The following FRMPD4 variants were observed in gnomAD, a reference collection of about 807,000 sequenced individuals.
The protein encoded by FRMPD4 is FERM and PDZ domain containing 4.
FRMPD4 carries 22 observed loss-of-function variants against 94.1 expected under a neutral mutation model. The observed-to-expected ratio is 0.23, with a 90% CI of 0.17 to 0.33. The LOEUF (loss-of-function observed/expected upper bound fraction) is 0.33. Ranked by LOEUF, FRMPD4 falls within the 10% of genes least tolerant of loss-of-function variation. FRMPD4 has a pLI of 1.00. For missense variants in FRMPD4, 1,111 were observed against 1,339.9 expected (o/e 0.83, Z 2.67); for synonymous variants, 631 against 548.6 (o/e 1.15, Z -2.10).
At chrX:12,154,883 G>T (rs1213389462) in intron 1 of FRMPD4, among the ~76,000 whole-genome samples, 2 of 112,548 alleles carry the variant, frequency 1.8e-5, no homozygotes, top group Non-Finnish European at 3.8e-5. Flanking sequence ...GTGTAATGTG[G>T]TTGCCACAGC....
At chrX:11,896,229 A>G (rs889319383) in intron 3 of FRMPD4, among the ~76,000 whole-genome samples, 1 of 112,231 alleles carries the variant, frequency 8.9e-6, no homozygotes, top group Non-Finnish European at 1.9e-5. Context: ...ACTCAACCAC[A>G]TGACTCGTTT....
chrX:11,955,659 G>A (rs6639110), intron 3 of FRMPD4, among the ~76,000 whole-genome samples: 4,300 of 106,419 alleles, frequency 0.04, 179 homozygotes, highest in East Asian at 0.24. Context: ...GGAGAATGGC[G>A]TGAACCCAGG....
chrX:11,826,269 T>A (rs1200713373), intron 1 of FRMPD4, among the ~76,000 whole-genome samples: 1 of 112,099 alleles, frequency 8.9e-6, no homozygotes, highest in Non-Finnish European at 1.9e-5. Context: ...GCTTGCCTAC[T>A]TTTTAAGGTG....
chrX:12,023,035 T>C lies in FRMPD4; in HGVS notation c.95+145017T>C, dbSNP rs763423764. On this transcript the variant is annotated intron_variant, in intron 3 of 18. Coordinates refer to the FRMPD4 transcript ENST00000640291. ...ATTGAATTCCTAACTCTCAAGGTTA[T>C]GGAATTAAGAATTGTGTCCTTTGTC... Among the ~76,000 whole-genome samples the C allele has an allele frequency of 8.1e-5, 9 of 111,767 alleles. No homozygotes were observed. In the East Asian group the frequency reaches 2.3e-3, roughly 28 times the overall value.
chrX:12,680,642 C>G (rs1181303920), intron 5 of FRMPD4, among the ~76,000 whole-genome samples: 1 of 112,037 alleles, frequency 8.9e-6, no homozygotes, highest in Non-Finnish European at 1.9e-5. Flanking sequence ...GAAGTTTACC[C>G]CGAGTCTGTT....
At chrX:12,472,201 C>A (rs1230072612) in intron 1 of FRMPD4, among the ~76,000 whole-genome samples, 1 of 112,277 alleles carries the variant, frequency 8.9e-6, no homozygotes, top group Non-Finnish European at 1.9e-5. Context: ...ATGATGAATC[C>A]TGGGGGTCAG....
intron 1 of FRMPD4, among the ~76,000 whole-genome samples, chrX:12,470,928 T>A (rs2057504628): frequency 8.9e-6 from 1 of 112,276 alleles, no homozygotes; most frequent in South Asian, 3.7e-4. Context: ...TGTGTGTTTA[T>A]CTAGTCATCC....
At chrX:12,694,735 G>A (rs2060111239) in intron 9 of FRMPD4, among the ~76,000 whole-genome samples, 1 of 111,546 alleles carries the variant, frequency 9.0e-6, no homozygotes, top group Non-Finnish European at 1.9e-5. Context: ...GTATATACAC[G>A]TTTTCTCTGC....
At chrX:12,570,959 C>G (rs1411202588) in intron 2 of FRMPD4, among the ~76,000 whole-genome samples, 1 of 112,461 alleles carries the variant, frequency 8.9e-6, no homozygotes, top group Non-Finnish European at 1.9e-5. Flanking sequence ...ATTTTCAGAA[C>G]TTGGTTAATC....
At chrX:12,231,029 A>AT (rs1569199737) in intron 1 of FRMPD4, among the ~76,000 whole-genome samples, 69 of 40,609 alleles carry the variant, frequency 1.7e-3, no homozygotes, top group African/African-American at 4.7e-3. Flanking sequence ...GTATATATAT[A>AT]GTATATATAT....
chrX:12,321,590 C>T (rs1390733965), intron 1 of FRMPD4, among the ~76,000 whole-genome samples: 3 of 111,805 alleles, frequency 2.7e-5, no homozygotes, highest in Admixed American at 9.5e-5. Context: ...TTAGATGTAC[C>T]GAATGCATTT....
At chrX:12,669,871 A>T (rs2059821223) in intron 4 of FRMPD4, among the ~76,000 whole-genome samples, 1 of 112,084 alleles carries the variant, frequency 8.9e-6, no homozygotes, top group Non-Finnish European at 1.9e-5. Flanking sequence ...CTCATTAGAG[A>T]CTTCTGACTT....
At chrX:12,622,010 GAAA>G (rs1569370079) in intron 4 of FRMPD4, among the ~76,000 whole-genome samples, 12 of 49,607 alleles carry the variant, frequency 2.4e-4, no homozygotes, top group East Asian at 5.7e-4. Context: ...AAGAAAGAAA[GAAA>G]GAAAGGAAGG....
intron 1 of FRMPD4, among the ~76,000 whole-genome samples, chrX:12,479,407 T>TATATATACATATATACACAC (rs1267113634): frequency 2.4e-5 from 2 of 84,168 alleles, no homozygotes; most frequent in East Asian, 7.8e-4. Context: ...TATATACACA[T>TATATATACATATATACACAC]ATATATACAT....
chrX:12,231,030 G>GTGTATA (rs2056993261), intron 1 of FRMPD4, among the ~76,000 whole-genome samples: 4 of 26,410 alleles, frequency 1.5e-4, no homozygotes, highest in African/African-American at 4.9e-4. Flanking sequence ...TATATATATA[G>GTGTATA]TATATATATA....
chrX:12,682,797 G>A (rs1364828215), intron 5 of FRMPD4, among the ~76,000 whole-genome samples: 1 of 111,801 alleles, frequency 8.9e-6, no homozygotes, highest in Non-Finnish European at 1.9e-5. Context: ...TAAAAGAAAG[G>A]AGAGAATCAT....
chrX:12,008,128 C>A (rs1041597990), intron 3 of FRMPD4, among the ~76,000 whole-genome samples: 1 of 112,265 alleles, frequency 8.9e-6, no homozygotes, highest in Non-Finnish European at 1.9e-5. Flanking sequence ...TACTACTGCT[C>A]CTTTTACTTG....
chrX:11,850,212 G>T (rs954492158), intron 1 of FRMPD4, among the ~76,000 whole-genome samples: 1 of 112,045 alleles, frequency 8.9e-6, no homozygotes, highest in African/African-American at 3.2e-5. Context: ...CAATGCAAAT[G>T]AAAATCACAA....
At chrX:11,855,914 C>G (rs999966384) in intron 1 of FRMPD4, among the ~76,000 whole-genome samples, 2 of 111,953 alleles carry the variant, frequency 1.8e-5, no homozygotes, top group Non-Finnish European at 3.8e-5. Flanking sequence ...GCACCCCACT[C>G]TCTGCAGTAC....
Sources: gnomAD v4.1 joint callset for allele counts (sites outside exome capture counted in the v4.1 genomes callset) on GRCh38, gnomAD v4.1.1 for gene constraint, MANE v1.5 for transcripts, NCBI Gene and HGNC (gene_info 2026-07-23, HGNC 2026-07-21) for gene names.